The following DACH2 variants were observed in gnomAD, a reference collection of about 807,000 sequenced individuals.
DACH2 encodes the protein dachshund homolog 2.
Under a neutral mutation model 35.8 loss-of-function variants are expected in DACH2, and 17 were observed. The ratio of observed to expected loss-of-function variants is 0.48; its 90% CI spans 0.33 to 0.71. The LOEUF (loss-of-function observed/expected upper bound fraction) is 0.71, where lower values mean the gene tolerates loss of function less well. Ranked by LOEUF, DACH2 falls within the 30% of genes least tolerant of loss-of-function variation. The pLI is 0.02. For synonymous variants in DACH2, 195 were observed against 177.3 expected (o/e 1.10, Z -0.79); for missense variants, 469 against 472.7 (o/e 0.99, Z 0.07).
intron 2 of DACH2, among the ~76,000 whole-genome samples, chrX:86,442,355 T>TGTG (rs1556160330): frequency 1.3e-4 from 9 of 71,318 alleles, no homozygotes; most frequent in South Asian, 9.1e-4. Context: ...AAGTAGTATT[T>TGTG]TGTGTGTGTG....
At chrX:86,473,352 C>T (rs774346271) in intron 2 of DACH2, among the ~76,000 whole-genome samples, 8 of 111,023 alleles carry the variant, frequency 7.2e-5, no homozygotes, top group Non-Finnish European at 1.9e-5. Context: ...AGCATTTATC[C>T]TTTATGTTAT....
intron 7 of DACH2, among the ~76,000 whole-genome samples, 163 bp downstream of exon 7, chrX:86,740,045 C>T (rs932516399): frequency 6.3e-5 from 7 of 111,802 alleles, no homozygotes; most frequent in Non-Finnish European, 9.4e-5. Flanking sequence ...ATATGACTAA[C>T]AAAATGAAAC....
chrX:86,274,906 A>G (rs1439378507), intron 1 of DACH2, among the ~76,000 whole-genome samples: 1 of 111,969 alleles, frequency 8.9e-6, no homozygotes, highest in African/African-American at 3.2e-5. Context: ...GTAAATGACA[A>G]CAAAAAAGAT....
chrX:86,532,208 A>T (rs2038731790), intron 3 of DACH2, among the ~76,000 whole-genome samples: 1 of 111,994 alleles, frequency 8.9e-6, no homozygotes. Context: ...TGGACTTTAG[A>T]GTTAATGCTG....
chrX:86,661,213 T>C lies in DACH2; in HGVS notation c.772+10046T>C, dbSNP rs190545199. Among the ~76,000 whole-genome samples, 235 of 112,249 alleles carry C rather than the reference T, an allele frequency of 2.1e-3. 2 individuals carry two copies. The highest frequency in any genetic ancestry group is 7.2e-3 in the African/African-American group (223 of 30,985). On this transcript the variant is annotated intron_variant, in intron 4 of 11. Transcript: ENST00000373125. ...TGTACAGTTCAGTGGTTTTAGTATA[T>C]TTACAGAATTATACAACTACTATCA... is the stretch of plus-strand genomic sequence containing the variant.
At chrX:86,581,576 G>A (rs1261632242) in intron 3 of DACH2, among the ~76,000 whole-genome samples, 1 of 110,442 alleles carries the variant, frequency 9.1e-6, no homozygotes, top group Non-Finnish European at 1.9e-5. Context: ...AAAAAACAGG[G>A]GTTGCTATTG....
intron 2 of DACH2, among the ~76,000 whole-genome samples, chrX:86,432,150 C>T (rs948862669): frequency 8.9e-6 from 1 of 112,188 alleles, no homozygotes; most frequent in African/African-American, 3.2e-5. Context: ...ACAGATAAAT[C>T]TACAAAGTCC....
chrX:86,628,011 G>A (rs751890773), intron 3 of DACH2, among the ~76,000 whole-genome samples: 11 of 111,886 alleles, frequency 9.8e-5, no homozygotes, highest in African/African-American at 1.9e-4. Flanking sequence ...AAAGTAGACC[G>A]CTTCTAGAGA....
In DACH2 at chrX:86,677,716, G is replaced by C. The variant is rs372998171; in HGVS notation, c.773-17305G>C. 2.5e-3 allele frequency among the ~76,000 whole-genome samples: 285 copies of C among 112,199 alleles called. 10 individuals carry two copies. In the South Asian group the frequency reaches 0.1, roughly 41 times the overall value. ...TTCTCAAGTTTTATAAAGTATAAGAGCTTTGGGAAGTGTGTGTTTGTCATT... is the reference window on the plus strand; with the variant it reads ...TTCTCAAGTTTTATAAAGTATAAGACCTTTGGGAAGTGTGTGTTTGTCATT... On this transcript the variant is annotated intron_variant, in intron 4 of 11. Coordinates refer to ENST00000373125, the MANE Select transcript of DACH2 (RefSeq NM_053281.3).
chrX:86,385,876 G>A (rs1021932830), intron 2 of DACH2, among the ~76,000 whole-genome samples: 8 of 111,193 alleles, frequency 7.2e-5, no homozygotes, highest in African/African-American at 2.6e-4. Context: ...TTTTAAATAC[G>A]CTTTTATTTT....
At position 86,510,054 on chromosome X, in the gene DACH2, A is replaced by G. The variant is rs774888239; in HGVS notation, c.528-4225A>G. ...TGTTTCTTTAAGAAGTAGGAAGACA[A>G]GCTTTCATTGAAGGGATGACATAAA... is the stretch of plus-strand genomic sequence containing the variant. On this transcript the variant is annotated intron_variant, in intron 2 of 11. Coordinates refer to ENST00000373125, the MANE Select transcript of DACH2 (RefSeq NM_053281.3). 3.6e-5 allele frequency among the ~76,000 whole-genome samples: 4 copies of G among 111,962 alleles called. No homozygotes were observed. The East Asian group carries it at 1.1e-3, about 31-fold the overall frequency.
chrX:86,697,957 C>T (rs748333669), intron 5 of DACH2, among the ~76,000 whole-genome samples: 1 of 111,545 alleles, frequency 9.0e-6, no homozygotes, highest in Non-Finnish European at 1.9e-5. Context: ...TAATGAGAAA[C>T]ACCAAACCAC....
intron 2 of DACH2, among the ~76,000 whole-genome samples, chrX:86,477,630 C>A (rs1339504168): frequency 1.8e-5 from 2 of 109,718 alleles, no homozygotes; most frequent in Non-Finnish European, 1.9e-5. Context: ...TCCACTATAT[C>A]TTTTGATTGC....
chrX:86,304,890 A>G (rs1423301072), intron 1 of DACH2: 2 of 126,162 alleles, frequency 1.6e-5, no homozygotes, highest in East Asian at 4.6e-4. Flanking sequence ...GCTGACCACG[A>G]CCTGTACTAC....
chrX:86,446,991 C>G lies in DACH2; in HGVS notation c.528-67288C>G, dbSNP rs1406571882. 1.0e-4 allele frequency among the ~76,000 whole-genome samples: 7 copies of G among 69,657 alleles called. No individual in the cohort carries two copies. The Admixed American group carries it at 1.3e-3, about 13-fold the overall frequency. The allele number at this position is 69,657 out of a possible 115,157, so 60.5% of individuals were successfully genotyped here. A position where few individuals can be genotyped will look rare whatever the true frequency, so the allele number is the denominator to read the frequency against. On this transcript the variant is annotated intron_variant, in intron 2 of 11. Coordinates refer to ENST00000373125, the MANE Select transcript of DACH2 (RefSeq NM_053281.3). Reference sequence around the variant, plus strand: ...GACTTTTTAATGATTGCCATTCTAACTGGTGTGAGATGATATCTCATAGTG... The same window carrying G: ...GACTTTTTAATGATTGCCATTCTAAGTGGTGTGAGATGATATCTCATAGTG...
intron 1 of DACH2, among the ~76,000 whole-genome samples, chrX:86,196,906 G>A (rs2032006285): frequency 9.1e-6 from 1 of 109,506 alleles, no homozygotes; most frequent in Non-Finnish European, 1.9e-5. Context: ...AGGAAATGCA[G>A]AGAACCCAAG....
intron 2 of DACH2, among the ~76,000 whole-genome samples, chrX:86,464,602 G>T (rs750911584): frequency 1.8e-5 from 2 of 110,880 alleles, no homozygotes; most frequent in South Asian, 7.6e-4. Flanking sequence ...TGGGTTGATA[G>T]GTGCAGCAAA....
At chrX:86,603,975 T>G (rs751400718) in intron 3 of DACH2, among the ~76,000 whole-genome samples, 1 of 111,497 alleles carries the variant, frequency 9.0e-6, no homozygotes, top group African/African-American at 3.3e-5. Flanking sequence ...CTTATCAGTT[T>G]CTAGTTTCCT....
Position 86,720,263 on chromosome X carries a change from C to T in DACH2, c.1104+5543C>T, listed in dbSNP as rs991116267. Among the ~76,000 whole-genome samples, 6 of 110,423 alleles carry T rather than the reference C, an allele frequency of 5.4e-5. No homozygotes were observed. The Admixed American group carries it at 5.8e-4, about 11-fold the overall frequency. On this transcript the variant is annotated intron_variant, in intron 6 of 11. Coordinates refer to ENST00000373125, the MANE Select transcript of DACH2 (RefSeq NM_053281.3). ...AGTCCCCACAAATGTTAATGCATCC[C>T]GGCATTAACCCAAAAGTCCAAGTCC...
Sources: gnomAD v4.1 joint callset for allele counts (sites outside exome capture counted in the v4.1 genomes callset) on GRCh38, gnomAD v4.1.1 for gene constraint, MANE v1.5 for transcripts, NCBI Gene and HGNC (gene_info 2026-07-23, HGNC 2026-07-21) for gene names.